SLC6A20: variants seen among roughly 807,000 people sequenced by gnomAD.
SLC6A20 encodes the protein sodium- and chloride-dependent transporter XTRP3.
A neutral mutation model predicts 64.3 loss-of-function variants in SLC6A20; 73 were observed. The ratio of observed to expected loss-of-function variants is 1.14; its 90% CI spans 0.94 to 1.38. The LOEUF is 1.38. SLC6A20 is among the 40% of genes most tolerant of loss of function. The probability of loss-of-function intolerance (pLI) is 0.00; values close to 1 mark genes in which losing one functional copy is unlikely to be tolerated. For missense variants in SLC6A20, 725 were observed against 772.8 expected, an observed-to-expected ratio of 0.94 and a Z score of 0.73; for synonymous variants, 347 against 329.6, an observed-to-expected ratio of 1.05 and a Z score of -0.57.
chr3:45,775,547 C>T (rs929172580), intron 4 of SLC6A20, among the ~76,000 whole-genome samples: 2 of 152,020 alleles, frequency 1.3e-5, no homozygotes, highest in African/African-American at 4.8e-5. Flanking sequence ...TTTAGGGTTG[C>T]AACTTTAACC....
intron 8 of SLC6A20, among the ~76,000 whole-genome samples, chr3:45,763,440 C>T (rs1168892463): frequency 6.6e-6 from 1 of 152,192 alleles, no homozygotes; most frequent in Non-Finnish European, 1.5e-5. Flanking sequence ...CCCAACAACT[C>T]AGCCCTGGAG....
Position 45,772,750 on chromosome 3 carries a change from G to A in SLC6A20, c.583-135C>T, listed in dbSNP as rs1411480238. On this transcript the variant is annotated intron_variant, in intron 4 of 10. Transcript: ENST00000358525. ...TGCTGACAGCTGGAAAAGGCATGGA[G>A]ATTCTTGGTCACACACAGGCTCTGG... 9.7e-6 allele frequency: 7 copies of A among 719,556 alleles called. No homozygotes were observed. In the African/African-American group the frequency reaches 1.1e-4, roughly 11 times the overall value. 44.6% of individuals were successfully genotyped at this position (719,556 alleles called of 1,614,324 possible).
intron 9 of SLC6A20, among the ~76,000 whole-genome samples, chr3:45,761,150 G>A (rs943962206): frequency 3.3e-5 from 5 of 152,272 alleles, no homozygotes; most frequent in African/African-American, 4.8e-5. Context: ...TATGTGACAC[G>A]AAAACCTGGG....
At chr3:45,761,104 A>G (rs1181710052) in intron 9 of SLC6A20, among the ~76,000 whole-genome samples, 12 of 152,152 alleles carry the variant, frequency 7.9e-5, no homozygotes, top group African/African-American at 2.9e-4. Flanking sequence ...CTGCTGACGT[A>G]GTTGGACTCT....
rs376095861 is a variant in SLC6A20, at chr3:45,775,833, C to T, written c.510G>A (p.Pro170=). 29 of 1,613,930 alleles carry T rather than the reference C, an allele frequency of 1.8e-5. No homozygotes were observed. The highest frequency in any genetic ancestry group is 5.3e-5 in the African/African-American group (4 of 74,870). The stretch of plus-strand genomic sequence containing the variant: ...GCCAGGCCAGGAGGAGGCACAGCGC[C>T]GGCTCCCACTGCACACCCCCGTTCT... ...LQENGGVQWE[P]ALCLLLAWLV... The change falls in exon 4 of 11, where the codon CCG becomes CCA. Residue 170 remains proline, a synonymous_variant. Transcript: ENST00000358525.
chr3:45,770,132 C>T (rs568459056), intron 7 of SLC6A20, 77 bp downstream of exon 7: 3 of 1,581,084 alleles, frequency 1.9e-6, no homozygotes, highest in East Asian at 2.2e-5. Context: ...TCGCCTATCT[C>T]CCAAGTCAGC....
rs1699565152 is a variant in SLC6A20 at position 45,757,326 on chromosome 3, C to G, written c.*1652G>C. On this transcript the variant is annotated 3_prime_UTR_variant, in exon 11 of 11. Transcript: ENST00000358525. ...CCTTTACAGGTGTCGGGCTGGGGGA[C>G]AGTCAGGTCTTTCCCTTCCCATGAG... The G allele has an allele frequency of 1.3e-5, 2 of 152,020 alleles. No homozygotes were observed. The highest frequency in any genetic ancestry group is 1.9e-4 in the East Asian group (1 of 5,152). 9.4% of individuals were successfully genotyped at this position (152,020 alleles called of 1,614,324 possible). A position where few individuals can be genotyped will look rare whatever the true frequency, so the allele number is the denominator to read the frequency against.
At chr3:45,768,895 T>A (rs1036911675) in intron 7 of SLC6A20, among the ~76,000 whole-genome samples, 1 of 152,222 alleles carries the variant, frequency 6.6e-6, no homozygotes, top group African/African-American at 2.4e-5. Flanking sequence ...TCTACTCCCA[T>A]GTGCTAGAAG....
Position 45,771,406 on chromosome 3 carries a change from A to G in SLC6A20, c.746T>C (p.Phe249Ser), listed in dbSNP as rs147760034. The G allele has an allele frequency of 7.8e-4, 1,264 of 1,614,252 alleles. 9 individuals are homozygous for G. In the South Asian group the frequency reaches 8.3e-3, roughly 11 times the overall value. The change falls in exon 6 of 11, where the codon TTC (phenylalanine) becomes TCC (serine). Residue 249 changes from phenylalanine (F) to serine (S), a missense_variant. Transcript: ENST00000358525. ...GCCGAAGCCCAGGCCAAGTGAGAAG[A>G]AGATCTGGGTGGCTGCATTGATCCA... ...KAWINAATQI[F>S]FSLGLGFGSL...
At chr3:45,774,530 C>T (rs1465571605) in intron 4 of SLC6A20, among the ~76,000 whole-genome samples, 1 of 152,168 alleles carries the variant, frequency 6.6e-6, no homozygotes, top group Non-Finnish European at 1.5e-5. Flanking sequence ...AGCCATGGCA[C>T]AGGGGACTTT....
At chr3:45,795,399 C>T (rs1700329154) in intron 1 of SLC6A20, among the ~76,000 whole-genome samples, 1 of 152,106 alleles carries the variant, frequency 6.6e-6, no homozygotes, top group Admixed American at 6.5e-5. Context: ...CTATAATTTA[C>T]TGAACCAATC....
At chr3:45,759,751 A>T in intron 10 of SLC6A20, 106 bp downstream of exon 10, 1 of 1,347,412 alleles carries the variant, frequency 7.4e-7, no homozygotes, top group East Asian at 2.3e-5. Flanking sequence ...GTGACAAATA[A>T]CCTACCCACA....
In SLC6A20 at chr3:45,760,015, T is replaced by G; in HGVS notation, c.1471A>C (p.Ser491Arg). ...CGGCCGGTCATGGCCTTAAGGTCAC[T>G]TTCAAATCTATTTGGAAAACAGGGA... The part of the protein sequence containing the change: ...CYVYGLRRFE[S>R]DLKAMTGRAV... Residue 491 changes from serine to arginine, a missense_variant, in exon 10 of 11, where the codon AGT becomes CGT. By Grantham distance (110) the Ser-to-Arg change is moderately radical. Transcript: ENST00000358525. 6.2e-7 allele frequency: 1 copy of G among 1,607,354 alleles called. No individual in the cohort carries two copies. Among genetic ancestry groups the G allele is most frequent in the South Asian group, 1.1e-5 (1 of 90,102 alleles).
intron 1 of SLC6A20, among the ~76,000 whole-genome samples, chr3:45,792,989 C>T (rs927579418): frequency 5.9e-5 from 9 of 152,220 alleles, no homozygotes; most frequent in African/African-American, 1.9e-4. Context: ...TCCTCCCCCA[C>T]AGGCGTCTGG....
rs1699835045 is a variant in SLC6A20, at chr3:45,770,125, C to T, written c.1098+84G>A. 8 of 1,562,154 alleles carry T rather than the reference C, an allele frequency of 5.1e-6. No homozygotes were observed. The South Asian group carries it at 8.3e-5, about 16-fold the overall frequency. On this transcript the variant is annotated intron_variant, in intron 7 of 10. Coordinates refer to ENST00000358525, the MANE Select transcript of SLC6A20 (RefSeq NM_020208.4). ...TCCTTCTTTATTTTTACAGACCTCG[C>T]CTATCTCCCAAGTCAGCAGCTCACC...
intron 4 of SLC6A20, among the ~76,000 whole-genome samples, chr3:45,774,962 T>C (rs1400039652): frequency 6.6e-6 from 1 of 152,090 alleles, no homozygotes; most frequent in Non-Finnish European, 1.5e-5. Flanking sequence ...ATGTGGGTGC[T>C]CAAGCCGTGG....
At position 45,765,624 on chromosome 3, in the gene SLC6A20, TCCCAATG is replaced by T; in HGVS notation, c.1209_1215del (p.Ile404AlafsTer13). 1 of 1,614,000 alleles carries T rather than the reference TCCCAATG, an allele frequency of 6.2e-7. No homozygotes were observed. Among genetic ancestry groups the T allele is most frequent in the South Asian group, 1.1e-5 (1 of 91,076 alleles). On this transcript the variant is annotated frameshift_variant, in exon 8 of 11. Coordinates refer to ENST00000358525, the MANE Select transcript of SLC6A20 (RefSeq NM_020208.4). LOFTEE classifies it high-confidence loss of function. The surrounding 1 kb of genome is among the most constrained non-coding windows in gnomAD (Gnocchi z 4.2). ...ATGGCCGCTGTGTTCCCCAGCATGC[TCCCAATG>T]CCCAGCATCAGCAGCATGAAGAAGT...
At chr3:45,767,197 T>C (rs1387515100) in intron 7 of SLC6A20, among the ~76,000 whole-genome samples, 1 of 152,214 alleles carries the variant, frequency 6.6e-6, no homozygotes, top group Admixed American at 6.5e-5. Context: ...AAAGTTGATA[T>C]ACTTTTTATG....
rs904290453 is a variant in SLC6A20, at chr3:45,789,267, G to GA, written c.121+7031dup. Reference sequence around the variant, plus strand: ...GAATTATACCTTCTAAATCACTTGAGAAAAAAAGTGAAGAATATATACTTC... The same window carrying GA: ...GAATTATACCTTCTAAATCACTTGAGAAAAAAAAGTGAAGAATATATACTTC... On this transcript the variant is annotated intron_variant, in intron 1 of 10. Transcript: ENST00000358525. Among the ~76,000 whole-genome samples, 6 of 151,940 alleles carry GA rather than the reference G, an allele frequency of 3.9e-5. No individual in the cohort carries two copies. In the East Asian group the frequency reaches 9.6e-4, roughly 24 times the overall value.
Sources: allele counts gnomAD v4.1 joint callset (sites outside exome capture counted in the v4.1 genomes callset), GRCh38; gene constraint gnomAD v4.1.1; non-coding constraint Gnocchi (gnomAD v3.1); transcripts MANE v1.5; gene names NCBI Gene and HGNC (gene_info 2026-07-23, HGNC 2026-07-21).